The following IMMP2L variants were observed in gnomAD, a reference collection of about 807,000 sequenced individuals.
The protein encoded by IMMP2L is inner mitochondrial membrane peptidase subunit 2.
Under a neutral mutation model 19.3 loss-of-function variants are expected in IMMP2L, and 18 were observed. The ratio of observed to expected loss-of-function variants is 0.93; its 90% CI spans 0.64 to 1.38. The LOEUF (loss-of-function observed/expected upper bound fraction) is 1.38, where lower values mean the gene tolerates loss of function less well. Among genes scored for constraint, IMMP2L ranks in the 40% most tolerant of loss-of-function variants. IMMP2L has a pLI of 0.00. For synonymous variants in IMMP2L, 76 were observed against 73.0 expected (o/e 1.04, Z -0.21); for missense variants, 233 against 218.2 (o/e 1.07, Z -0.43).
intron 3 of IMMP2L, among the ~76,000 whole-genome samples, chr7:111,054,895 C>T (rs1413578837): frequency 6.6e-6 from 1 of 152,106 alleles, no homozygotes; most frequent in Non-Finnish European, 1.5e-5. Context: ...AGTAAAGTTA[C>T]AGGCTCAATC....
intron 3 of IMMP2L, among the ~76,000 whole-genome samples, chr7:111,255,497 G>A (rs1057222132): frequency 7.9e-5 from 12 of 152,000 alleles, no homozygotes; most frequent in Non-Finnish European, 1.8e-4. Flanking sequence ...ACAAGTGGAA[G>A]TTTTTGTTAA....
chr7:111,242,792 A>G (rs1024209246), intron 3 of IMMP2L, among the ~76,000 whole-genome samples: 8 of 151,996 alleles, frequency 5.3e-5, no homozygotes, highest in African/African-American at 1.9e-4. Flanking sequence ...GAGGCTAAAA[A>G]CACAAACAAC....
At chr7:110,749,405 A>T (rs1212188160) in intron 5 of IMMP2L, among the ~76,000 whole-genome samples, 1 of 152,182 alleles carries the variant, frequency 6.6e-6, no homozygotes, top group Non-Finnish European at 1.5e-5. Flanking sequence ...GTATATACCC[A>T]AAGGACTATA....
At chr7:111,060,097 C>T (rs1042506440) in intron 3 of IMMP2L, among the ~76,000 whole-genome samples, 1 of 151,996 alleles carries the variant, frequency 6.6e-6, no homozygotes, top group Non-Finnish European at 1.5e-5. Context: ...TTTTTGTAAG[C>T]AGCAGTGTAA....
intron 3 of IMMP2L, among the ~76,000 whole-genome samples, chr7:111,458,410 T>C (rs1839859312): frequency 6.6e-6 from 1 of 152,054 alleles, no homozygotes. Context: ...AATGCTATCA[T>C]TCTGTCAAAA....
intron 1 of IMMP2L, among the ~76,000 whole-genome samples, chr7:111,530,108 C>T (rs377404013): frequency 6.6e-6 from 1 of 152,246 alleles, no homozygotes; most frequent in African/African-American, 2.4e-5. Context: ...AATCCAAGAC[C>T]TCAGTTCAAA....
intron 3 of IMMP2L, among the ~76,000 whole-genome samples, chr7:111,466,529 G>A (rs1367654449): frequency 6.6e-6 from 1 of 152,116 alleles, no homozygotes; most frequent in African/African-American, 2.4e-5. Flanking sequence ...CCTCAGTTAC[G>A]ATAACTATAA....
At chr7:111,543,815 T>C (rs1848682920) in intron 1 of IMMP2L, among the ~76,000 whole-genome samples, 1 of 152,160 alleles carries the variant, frequency 6.6e-6, no homozygotes, top group Non-Finnish European at 1.5e-5. Context: ...TCATTCCCTT[T>C]TGACTACTTT....
chr7:111,343,222 T>C (rs1433514086), intron 3 of IMMP2L, among the ~76,000 whole-genome samples: 2 of 152,208 alleles, frequency 1.3e-5, no homozygotes, highest in East Asian at 1.9e-4. Context: ...CTTCTAAAAA[T>C]CATAAATGGC....
intron 3 of IMMP2L, among the ~76,000 whole-genome samples, chr7:111,010,290 G>A (rs1392276733): frequency 6.6e-6 from 1 of 151,978 alleles, no homozygotes; most frequent in Non-Finnish European, 1.5e-5. Flanking sequence ...CCAAATAAGA[G>A]GTTTTAGAGA....
chr7:111,091,459 A>C (rs1164237527), intron 3 of IMMP2L: 1 of 152,190 alleles, frequency 6.6e-6, no homozygotes, highest in Non-Finnish European at 1.5e-5. Flanking sequence ...GGAATCCAGC[A>C]CGCAAGGACA....
chr7:110,815,652 C>T (rs1222703930), intron 5 of IMMP2L, among the ~76,000 whole-genome samples: 19 of 152,004 alleles, frequency 1.2e-4, no homozygotes, highest in African/African-American at 3.6e-4. Context: ...GAGCCTGTTA[C>T]TGGTCTATTC....
intron 4 of IMMP2L, among the ~76,000 whole-genome samples, chr7:110,943,447 CT>C (rs1816932670): frequency 6.6e-6 from 1 of 151,992 alleles, no homozygotes; most frequent in Non-Finnish European, 1.5e-5. Context: ...CATGCCCACC[CT>C]GTTGATTTCA....
intron 2 of IMMP2L, among the ~76,000 whole-genome samples, chr7:111,491,812 T>A (rs112582742): frequency 0.022 from 3,400 of 152,230 alleles, 136 homozygotes; most frequent in African/African-American, 0.078. Context: ...TAACTGACAC[T>A]GTAAAGGTGA....
chr7:110,765,324 G>C (rs1222965303), intron 5 of IMMP2L, among the ~76,000 whole-genome samples: 1 of 152,076 alleles, frequency 6.6e-6, no homozygotes, highest in Non-Finnish European at 1.5e-5. Context: ...ACAGAGGAAA[G>C]TTATAGACAT....
At position 111,467,262 on chromosome 7, in the gene IMMP2L, T is replaced by C. The variant is rs147061446; in HGVS notation, c.239+19976A>G. On this transcript the variant is annotated intron_variant, in intron 3 of 5. Transcript: ENST00000405709. Reference sequence around the variant, plus strand: ...TTACAGTTCTTACCTCACAGTGCTATTGGAAAGATTAAATGAGGTAATATA... The same window carrying C: ...TTACAGTTCTTACCTCACAGTGCTACTGGAAAGATTAAATGAGGTAATATA... Among the ~76,000 whole-genome samples, 23 of 152,266 alleles carry C rather than the reference T, an allele frequency of 1.5e-4. No homozygotes were observed. In the East Asian group the frequency reaches 4.2e-3, roughly 28 times the overall value.
At chr7:111,496,863 A>G (rs1439115485) in intron 2 of IMMP2L, among the ~76,000 whole-genome samples, 1 of 151,918 alleles carries the variant, frequency 6.6e-6, no homozygotes, top group Non-Finnish European at 1.5e-5. Context: ...ACATGACCCA[A>G]TTCCCCTAAT....
intron 3 of IMMP2L, among the ~76,000 whole-genome samples, chr7:111,266,773 T>C (rs1319206104): frequency 2.6e-5 from 4 of 152,146 alleles, no homozygotes; most frequent in Non-Finnish European, 5.9e-5. Context: ...ATTTTTGTCA[T>C]GCCACTGCCC....
chr7:111,182,598 T>C (rs1807828764), intron 3 of IMMP2L, among the ~76,000 whole-genome samples: 1 of 151,662 alleles, frequency 6.6e-6, no homozygotes, highest in African/African-American at 2.4e-5. Flanking sequence ...GAGTACAAAG[T>C]ACCCACCGAA....
Sources: gnomAD v4.1 joint callset for allele counts (sites outside exome capture counted in the v4.1 genomes callset) on GRCh38, gnomAD v4.1.1 for gene constraint, MANE v1.5 for transcripts, NCBI Gene and HGNC (gene_info 2026-07-23, HGNC 2026-07-21) for gene names.